Variants in NAALADL2 observed in about 807,000 individuals in gnomAD.
NAALADL2 encodes inactive N-acetylated-alpha-linked acidic dipeptidase-like protein 2.
A neutral mutation model predicts 87.2 loss-of-function variants in NAALADL2; 76 were observed. The observed-to-expected ratio is 0.87, with a 90% CI of 0.72 to 1.05. NAALADL2 has a LOEUF of 1.05. NAALADL2 is among the 50% of genes least tolerant of loss of function. The pLI, the probability that NAALADL2 is intolerant of heterozygous loss-of-function variation, is 0.00. For missense variants in NAALADL2, 1,089 were observed against 945.8 expected, an observed-to-expected ratio of 1.15 and a Z score of -1.99; for synonymous variants, 354 against 331.0, an observed-to-expected ratio of 1.07 and a Z score of -0.75.
intron 2 of NAALADL2, among the ~76,000 whole-genome samples, chr3:174,597,989 CTATAT>C (rs1367109912): frequency 2.0e-5 from 3 of 152,152 alleles, no homozygotes; most frequent in East Asian, 1.9e-4. Flanking sequence ...TGTCTCACCT[CTATAT>C]TATAAGTTCT....
intron 3 of NAALADL2, among the ~76,000 whole-genome samples, chr3:174,789,690 G>A (rs552104845): frequency 1.3e-5 from 2 of 152,306 alleles, no homozygotes; most frequent in East Asian, 3.9e-4. Flanking sequence ...GAATGGAGAT[G>A]ACTTTAACTG....
At chr3:174,696,497 A>T (rs971156914) in intron 2 of NAALADL2, among the ~76,000 whole-genome samples, 2 of 150,962 alleles carry the variant, frequency 1.3e-5, no homozygotes, top group East Asian at 2.0e-4. Context: ...AACATTCTTG[A>T]CTGATACTGC....
chr3:175,659,498 A>G (rs944615439), intron 11 of NAALADL2, among the ~76,000 whole-genome samples: 13 of 152,160 alleles, frequency 8.5e-5, no homozygotes, highest in African/African-American at 3.1e-4. Flanking sequence ...TTAAATTTCT[A>G]TGATTTATTA....
chr3:174,676,181 C>G (rs548044108), intron 2 of NAALADL2, among the ~76,000 whole-genome samples: 50 of 152,044 alleles, frequency 3.3e-4, no homozygotes, highest in African/African-American at 1.1e-3. Flanking sequence ...GAAGATCACT[C>G]AAAGTGCTCT....
At chr3:175,305,421 G>A (rs1757593108) in intron 4 of NAALADL2, among the ~76,000 whole-genome samples, 1 of 152,060 alleles carries the variant, frequency 6.6e-6, no homozygotes, top group Non-Finnish European at 1.5e-5. Flanking sequence ...CTTGTGTAAT[G>A]CTATTTATGA....
intron 9 of NAALADL2, among the ~76,000 whole-genome samples, chr3:175,538,200 T>C (rs1009757319): frequency 7.9e-5 from 12 of 152,162 alleles, no homozygotes; most frequent in African/African-American, 2.9e-4. Context: ...TTGATATTCA[T>C]TTATTATATT....
At chr3:175,034,698 T>C (rs1490360009) in intron 1 of NAALADL2, among the ~76,000 whole-genome samples, 1 of 152,120 alleles carries the variant, frequency 6.6e-6, no homozygotes, top group Non-Finnish European at 1.5e-5. Flanking sequence ...AGTCTTTGTC[T>C]CCTACTGCTG....
chr3:174,710,318 G>A (rs1272187649), intron 2 of NAALADL2, among the ~76,000 whole-genome samples: 1 of 149,648 alleles, frequency 6.7e-6, no homozygotes, highest in African/African-American at 2.5e-5. Flanking sequence ...GCAGTGGCGC[G>A]ATCTCGGCTC....
intron 13 of NAALADL2, among the ~76,000 whole-genome samples, chr3:175,765,853 C>T (rs184281057): frequency 9.9e-5 from 15 of 152,056 alleles, no homozygotes; most frequent in Non-Finnish European, 1.9e-4. Context: ...CCAGATTGGT[C>T]TTATTATTCC....
At chr3:175,293,727 T>A (rs77291652) in intron 4 of NAALADL2, among the ~76,000 whole-genome samples, 19,664 of 152,138 alleles carry the variant, frequency 0.13, 1,537 homozygotes, top group African/African-American at 0.21. Context: ...TCTATGAACC[T>A]GAAAGTGAAC....
intron 10 of NAALADL2, among the ~76,000 whole-genome samples, chr3:175,620,589 C>T (rs897791101): frequency 2.0e-5 from 3 of 152,158 alleles, no homozygotes; most frequent in African/African-American, 7.2e-5. Context: ...AAAGGAGTAA[C>T]ACTCAGTGGC....
intron 1 of NAALADL2, among the ~76,000 whole-genome samples, chr3:174,935,840 A>G (rs73047056): frequency 0.026 from 3,882 of 152,208 alleles, 155 homozygotes; most frequent in African/African-American, 0.082. Context: ...TTGCTAGACT[A>G]TAAGATTAAT....
chr3:175,258,102 A>T (rs1249760566), intron 4 of NAALADL2, among the ~76,000 whole-genome samples: 1 of 151,978 alleles, frequency 6.6e-6, no homozygotes, highest in Non-Finnish European at 1.5e-5. Flanking sequence ...AGGTCAGGAG[A>T]TTGAGACCAT....
intron 11 of NAALADL2, among the ~76,000 whole-genome samples, chr3:175,679,342 T>C (rs1302226082): frequency 1.3e-5 from 2 of 152,130 alleles, no homozygotes; most frequent in Non-Finnish European, 2.9e-5. Flanking sequence ...GTTATTGTTT[T>C]TGGAGAAATG....
intron 1 of NAALADL2, among the ~76,000 whole-genome samples, chr3:174,922,947 T>C (rs917555196): frequency 3.3e-5 from 5 of 152,200 alleles, no homozygotes; most frequent in African/African-American, 1.2e-4. Flanking sequence ...TTCTCCATTT[T>C]AAAGTTCTTA....
intron 11 of NAALADL2, among the ~76,000 whole-genome samples, chr3:175,673,988 CA>C: frequency 6.6e-6 from 1 of 151,966 alleles, no homozygotes; most frequent in Middle Eastern, 3.4e-3. Flanking sequence ...CATTGGTTTT[CA>C]AAGATCCCTA....
rs1582298385 is a variant in NAALADL2 at position 175,536,420 on chromosome 3, A to G, written c.1654-39621A>G. Among the ~76,000 whole-genome samples the G allele has an allele frequency of 2.6e-5, 4 of 152,206 alleles. 1 individual carries two copies. The highest frequency in any genetic ancestry group is 2.6e-4 in the Admixed American group (4 of 15,292). ...CAAAGCAATACTAATTTTGCCTACA[A>G]TGGTTGTGATTGAATTGGATAATAT... On this transcript the variant is annotated intron_variant, in intron 9 of 13. Coordinates refer to ENST00000454872, the MANE Select transcript of NAALADL2 (RefSeq NM_207015.3).
chr3:174,838,021 G>GAAAAAAAAAAAA (rs77681462), intron 3 of NAALADL2, among the ~76,000 whole-genome samples: 1 of 71,942 alleles, frequency 1.4e-5, no homozygotes, highest in African/African-American at 4.8e-5. Context: ...AACCAAAAAA[G>GAAAAAAAAAAAA]AAAAAAAAAA....
chr3:175,615,512 C>T (rs924484593), intron 10 of NAALADL2, among the ~76,000 whole-genome samples: 1 of 152,008 alleles, frequency 6.6e-6, no homozygotes, highest in Non-Finnish European at 1.5e-5. Context: ...ATAATTTAAG[C>T]AACTTGCCAT....
Sources: gnomAD v4.1 joint callset for allele counts (sites outside exome capture counted in the v4.1 genomes callset) on GRCh38, gnomAD v4.1.1 for gene constraint, MANE v1.5 for transcripts, NCBI Gene and HGNC (gene_info 2026-07-23, HGNC 2026-07-21) for gene names.